The following UBE2E2 variants were observed in gnomAD, a reference collection of about 807,000 sequenced individuals.
The protein encoded by UBE2E2 is ubiquitin conjugating enzyme E2 E2.
Under a neutral mutation model 24.7 loss-of-function variants are expected in UBE2E2, and 6 were observed. The ratio of observed to expected loss-of-function variants is 0.24; its 90% CI spans 0.13 to 0.48. The LOEUF (loss-of-function observed/expected upper bound fraction) is 0.48, where lower values mean the gene tolerates loss of function less well. Ranked by LOEUF, UBE2E2 falls within the 20% of genes least tolerant of loss-of-function variation. The pLI is 0.99. For synonymous variants in UBE2E2, 104 were observed against 83.6 expected (o/e 1.24, Z -1.33); for missense variants, 169 against 245.0 (o/e 0.69, Z 2.07).
intron 5 of UBE2E2, among the ~76,000 whole-genome samples, chr3:23,587,382 ACT>A (rs1383179902): frequency 6.6e-6 from 1 of 152,044 alleles, no homozygotes; most frequent in Non-Finnish European, 1.5e-5. Context: ...CAGTGTGTAC[ACT>A]CTGGATGTGG....
chr3:23,558,904 T>C (rs1420134420), intron 5 of UBE2E2, among the ~76,000 whole-genome samples: 1 of 152,172 alleles, frequency 6.6e-6, no homozygotes, highest in East Asian at 1.9e-4. Flanking sequence ...CTTTTTATAA[T>C]TGTATTTATA....
At chr3:23,209,628 G>A (rs1038208109) in intron 2 of UBE2E2, among the ~76,000 whole-genome samples, 2 of 152,310 alleles carry the variant, frequency 1.3e-5, no homozygotes, top group East Asian at 3.9e-4. Context: ...ACATAAAAGC[G>A]ATCTGTAACT....
intron 4 of UBE2E2, among the ~76,000 whole-genome samples, chr3:23,503,126 G>C (rs1456849846): frequency 6.7e-6 from 1 of 149,122 alleles, no homozygotes; most frequent in Non-Finnish European, 1.5e-5. Flanking sequence ...ATCTTTTTAA[G>C]GTAGAAGTTG....
At chr3:23,560,088 T>A (rs1432176566) in intron 5 of UBE2E2, among the ~76,000 whole-genome samples, 1 of 152,126 alleles carries the variant, frequency 6.6e-6, no homozygotes, top group East Asian at 1.9e-4. Flanking sequence ...TATTTTAAGT[T>A]CTAGGGTACA....
At chr3:23,544,408 T>G (rs979086247) in intron 5 of UBE2E2, among the ~76,000 whole-genome samples, 1 of 152,174 alleles carries the variant, frequency 6.6e-6, no homozygotes, top group Non-Finnish European at 1.5e-5. Context: ...TAGACATTTC[T>G]CAAAAGAAGA....
intron 3 of UBE2E2, among the ~76,000 whole-genome samples, chr3:23,327,151 T>C (rs532514737): frequency 6.6e-6 from 1 of 152,330 alleles, no homozygotes; most frequent in Admixed American, 6.5e-5. Context: ...CATATGTCTT[T>C]ATAGCAGCAT....
chr3:23,388,606 T>C (rs1274529427), intron 3 of UBE2E2, among the ~76,000 whole-genome samples: 1 of 152,228 alleles, frequency 6.6e-6, no homozygotes, highest in Non-Finnish European at 1.5e-5. Flanking sequence ...TAATGAAATA[T>C]TTCAGATTAT....
chr3:23,362,766 T>C (rs950533104), intron 3 of UBE2E2, among the ~76,000 whole-genome samples: 4 of 152,160 alleles, frequency 2.6e-5, no homozygotes, highest in Admixed American at 2.6e-4. Flanking sequence ...GAGAGTGACC[T>C]CACCCCAACC....
chr3:23,409,149 A>C (rs972069783), intron 3 of UBE2E2, among the ~76,000 whole-genome samples: 1 of 152,186 alleles, frequency 6.6e-6, no homozygotes, highest in African/African-American at 2.4e-5. Flanking sequence ...TTGTGTTGCC[A>C]TTCCTTTCTG....
chr3:23,549,965 G>T (rs1241707658), intron 5 of UBE2E2, among the ~76,000 whole-genome samples: 1 of 150,906 alleles, frequency 6.6e-6, no homozygotes, highest in African/African-American at 2.4e-5. Context: ...CCTAGGAGGC[G>T]CAGGCTGTAG....
intron 3 of UBE2E2, among the ~76,000 whole-genome samples, chr3:23,354,109 C>G (rs564329343): frequency 5.3e-5 from 8 of 152,236 alleles, no homozygotes; most frequent in Middle Eastern, 3.4e-3. Context: ...TGATCTTTGA[C>G]AAACCTGAGA....
At chr3:23,512,240 G>T (rs1309295336) in intron 4 of UBE2E2, among the ~76,000 whole-genome samples, 3 of 145,478 alleles carry the variant, frequency 2.1e-5, no homozygotes, top group African/African-American at 7.6e-5. Context: ...TGTTTTTTGA[G>T]ACAGTCTTAC....
rs557228077 is a variant in UBE2E2, at chr3:23,347,470, A to G, written c.227+130158A>G. 3.9e-5 allele frequency among the ~76,000 whole-genome samples: 6 copies of G among 152,120 alleles called. No homozygotes were observed. In the South Asian group the frequency reaches 1.2e-3, roughly 32 times the overall value. On this transcript the variant is annotated intron_variant, in intron 3 of 5. Transcript: ENST00000396703. The stretch of plus-strand genomic sequence containing the variant: ...TCACAAGGAGAGAAAACCAAACACC[A>G]CATGTTCTCACTTATAAGTGGGAGT...
chr3:23,352,117 C>A (rs1353961284), intron 3 of UBE2E2, among the ~76,000 whole-genome samples: 10 of 152,128 alleles, frequency 6.6e-5, no homozygotes, highest in Non-Finnish European at 1.0e-4. Flanking sequence ...ACTGAACATC[C>A]TGCTCCTGAA....
rs143622996 is a variant in UBE2E2, at chr3:23,358,735, C to A, written c.228-140873C>A. Among the ~76,000 whole-genome samples the A allele has an allele frequency of 2.6e-5, 4 of 152,206 alleles. 1 individual carries two copies. Among genetic ancestry groups the A allele is most frequent in the African/African-American group, 7.2e-5 (3 of 41,520 alleles). The stretch of plus-strand genomic sequence containing the variant: ...GAACTGAAATTAAGTATTTAAATAT[C>A]TAAATATTTCTTGCTATGGAAAGCA... On this transcript the variant is annotated intron_variant, in intron 3 of 5. Transcript: ENST00000396703.
chr3:23,350,181 T>A (rs1326072574), intron 3 of UBE2E2, among the ~76,000 whole-genome samples: 1 of 152,236 alleles, frequency 6.6e-6, no homozygotes, highest in Non-Finnish European at 1.5e-5. Context: ...GGGTCCTGTC[T>A]GTTAGAAGGA....
At chr3:23,376,513 G>T (rs1449151727) in intron 3 of UBE2E2, among the ~76,000 whole-genome samples, 1 of 152,204 alleles carries the variant, frequency 6.6e-6, no homozygotes, top group Non-Finnish European at 1.5e-5. Flanking sequence ...GCCCAATTAG[G>T]ATGGAAGCCG....
intron 3 of UBE2E2, among the ~76,000 whole-genome samples, chr3:23,279,837 A>G (rs762262702): frequency 5.2e-4 from 79 of 152,172 alleles, no homozygotes; most frequent in Non-Finnish European, 9.7e-4. Context: ...AACAAACCTT[A>G]TAGTAGTTAA....
intron 3 of UBE2E2, among the ~76,000 whole-genome samples, chr3:23,367,410 G>C (rs1356046044): frequency 6.6e-6 from 1 of 152,026 alleles, no homozygotes; most frequent in African/African-American, 2.4e-5. Context: ...CAACATCTGT[G>C]CTGAAAGTTA....
Sources: allele counts gnomAD v4.1 joint callset (sites outside exome capture counted in the v4.1 genomes callset), GRCh38; gene constraint gnomAD v4.1.1; transcripts MANE v1.5; gene names NCBI Gene and HGNC (gene_info 2026-07-23, HGNC 2026-07-21).